MEOX2: variants seen among roughly 807,000 people sequenced by gnomAD.
MEOX2 encodes homeobox protein MOX-2.
Under a neutral mutation model 27.0 loss-of-function variants are expected in MEOX2, and 11 were observed. The ratio of observed to expected loss-of-function variants is 0.41; its 90% CI spans 0.26 to 0.68. The LOEUF (loss-of-function observed/expected upper bound fraction) is 0.68. Among genes scored for constraint, MEOX2 ranks in the 30% least tolerant of loss-of-function variants. The pLI is 0.33. For synonymous variants in MEOX2, 189 were observed against 155.4 expected (o/e 1.22, Z -1.61); for missense variants, 436 against 385.4 (o/e 1.13, Z -1.10).
At chr7:15,673,834 AG>A (rs1165643518) in intron 1 of MEOX2, among the ~76,000 whole-genome samples, 3 of 152,154 alleles carry the variant, frequency 2.0e-5, no homozygotes, top group African/African-American at 7.2e-5. Context: ...ACTTGAATGT[AG>A]CTAAACTATA....
chr7:15,677,210 T>C (rs1782209069), intron 1 of MEOX2, among the ~76,000 whole-genome samples: 1 of 152,226 alleles, frequency 6.6e-6, no homozygotes, highest in South Asian at 2.1e-4. Flanking sequence ...TATTTTCAGA[T>C]GGTGCATATG....
chr7:15,647,788 G>A (rs1214421594), intron 1 of MEOX2, among the ~76,000 whole-genome samples: 1 of 152,048 alleles, frequency 6.6e-6, no homozygotes, highest in Non-Finnish European at 1.5e-5. Context: ...TAATAAAAGA[G>A]TAGGACTTTT....
intron 1 of MEOX2, among the ~76,000 whole-genome samples, chr7:15,682,435 A>G (rs1402655031): frequency 6.6e-6 from 1 of 151,890 alleles, no homozygotes; most frequent in African/African-American, 2.4e-5. Flanking sequence ...ATAATTTGAC[A>G]GCAAAGGTTT....
At position 15,621,294 on chromosome 7, in the gene MEOX2, TA is replaced by T. The variant is rs1317384311; in HGVS notation, c.690+5451del. On this transcript the variant is annotated intron_variant, in intron 2 of 2. Transcript: ENST00000262041. ...AACAAACAACATTATATAATTAAAATATTTGAAGCTCAGCTTCATTCTAGTT... is the reference window on the plus strand; with the variant it reads ...AACAAACAACATTATATAATTAAAATTTTGAAGCTCAGCTTCATTCTAGTT... 3.9e-5 allele frequency among the ~76,000 whole-genome samples: 6 copies of T among 152,248 alleles called. No homozygotes were observed. In the East Asian group the frequency reaches 9.6e-4, roughly 24 times the overall value.
intron 1 of MEOX2, among the ~76,000 whole-genome samples, chr7:15,685,547 G>C (rs528446098): frequency 6.6e-6 from 1 of 152,306 alleles, no homozygotes; most frequent in South Asian, 2.1e-4. Flanking sequence ...CTGCATCCCT[G>C]GGCGCACGCC....
intron 2 of MEOX2, among the ~76,000 whole-genome samples, chr7:15,625,978 A>G (rs1781297943): frequency 6.6e-6 from 1 of 152,180 alleles, no homozygotes; most frequent in African/African-American, 2.4e-5. Context: ...CACCGATACA[A>G]TTTCAAAAAT....
chr7:15,643,974 G>A (rs924178630), intron 1 of MEOX2, among the ~76,000 whole-genome samples: 2 of 152,198 alleles, frequency 1.3e-5, no homozygotes, highest in South Asian at 2.1e-4. Flanking sequence ...CCCCACTGCA[G>A]GAACAGTCAG....
chr7:15,672,088 G>A (rs767639783), intron 1 of MEOX2, among the ~76,000 whole-genome samples: 15 of 150,230 alleles, frequency 1.0e-4, no homozygotes, highest in South Asian at 2.1e-4. Flanking sequence ...GCAAGACTCC[G>A]TTTAAAAAAA....
chr7:15,678,699 C>T (rs377019108), intron 1 of MEOX2, among the ~76,000 whole-genome samples: 108 of 152,268 alleles, frequency 7.1e-4, no homozygotes, highest in African/African-American at 2.5e-3. Flanking sequence ...TATCACTTTG[C>T]AAAAATAAGT....
At chr7:15,661,704 T>C (rs1781921741) in intron 1 of MEOX2, among the ~76,000 whole-genome samples, 1 of 152,170 alleles carries the variant, frequency 6.6e-6, no homozygotes, top group Admixed American at 6.5e-5. Flanking sequence ...ATTATATGGC[T>C]GGTAACGATT....
At chr7:15,674,149 T>C (rs1372089303) in intron 1 of MEOX2, among the ~76,000 whole-genome samples, 1 of 152,166 alleles carries the variant, frequency 6.6e-6, no homozygotes, top group Non-Finnish European at 1.5e-5. Flanking sequence ...CCCTGTGTCA[T>C]GTGTTTCAAA....
At chr7:15,657,613 A>G (rs1781844501) in intron 1 of MEOX2, among the ~76,000 whole-genome samples, 1 of 152,150 alleles carries the variant, frequency 6.6e-6, no homozygotes, top group South Asian at 2.1e-4. Flanking sequence ...ATTTGTTCCA[A>G]GCATGTTTGT....
At chr7:15,657,346 A>C (rs778511138) in intron 1 of MEOX2, among the ~76,000 whole-genome samples, 2 of 152,152 alleles carry the variant, frequency 1.3e-5, no homozygotes, top group Non-Finnish European at 2.9e-5. Flanking sequence ...GCTTTTGGTC[A>C]CAGTCTCACA....
chr7:15,613,172 C>G (rs1011842884), intron 2 of MEOX2, among the ~76,000 whole-genome samples: 2 of 152,074 alleles, frequency 1.3e-5, no homozygotes, highest in Non-Finnish European at 2.9e-5. Flanking sequence ...TATTTTCTAC[C>G]TTAATTCATT....
intron 1 of MEOX2, among the ~76,000 whole-genome samples, chr7:15,666,049 A>G (rs945076434): frequency 1.3e-5 from 2 of 152,146 alleles, no homozygotes; most frequent in African/African-American, 4.8e-5. Flanking sequence ...ATGTGTTCAA[A>G]TGTAGACTGC....
chr7:15,615,026 G>A (rs1315817146), intron 2 of MEOX2, among the ~76,000 whole-genome samples: 1 of 151,834 alleles, frequency 6.6e-6, no homozygotes, highest in Non-Finnish European at 1.5e-5. Flanking sequence ...TAATCAATTT[G>A]ACAATAAAAA....
At chr7:15,681,072 A>G (rs1364670829) in intron 1 of MEOX2, 3 of 151,764 alleles carry the variant, frequency 2.0e-5, no homozygotes, top group Non-Finnish European at 4.4e-5. Flanking sequence ...AATAATCCAC[A>G]ACTATTAATT....
intron 1 of MEOX2, among the ~76,000 whole-genome samples, chr7:15,647,073 A>G (rs1011690594): frequency 2.6e-5 from 4 of 152,064 alleles, no homozygotes; most frequent in African/African-American, 7.2e-5. Flanking sequence ...TGATGCTCAT[A>G]AGACTCATAT....
chr7:15,633,744 A>G (rs567502051), intron 1 of MEOX2, among the ~76,000 whole-genome samples: 31 of 151,920 alleles, frequency 2.0e-4, no homozygotes, highest in Admixed American at 1.2e-3. Context: ...TGAACTTTTC[A>G]TTTATTTTCA....
Sources: allele counts gnomAD v4.1 joint callset (sites outside exome capture counted in the v4.1 genomes callset), GRCh38; gene constraint gnomAD v4.1.1; transcripts MANE v1.5; gene names NCBI Gene and HGNC (gene_info 2026-07-23, HGNC 2026-07-21).